UGGT1: variants seen among roughly 807,000 people sequenced by gnomAD.
UGGT1 encodes UDP-glucose:glycoprotein glucosyltransferase 1.
A neutral mutation model predicts 203.9 loss-of-function variants in UGGT1; 107 were observed. That is an observed-to-expected ratio of 0.52 (90% CI 0.45 to 0.62). UGGT1 has a LOEUF of 0.62. Among genes scored for constraint, UGGT1 ranks in the 20% least tolerant of loss-of-function variants. The pLI is 0.00. For synonymous variants in UGGT1, 628 were observed against 653.5 expected (o/e 0.96, Z 0.59); for missense variants, 1,673 against 1,867.2 (o/e 0.90, Z 1.92).
In UGGT1 at chr2:128,143,826, A is replaced by AT. The variant is rs202049261; in HGVS notation, c.1851+615dup. ...TCCTAACAATCTAATGACTAATGAG[A>AT]TTTTTTTTTTTTTTAACTACAGCAG... On this transcript the variant is annotated intron_variant, in intron 17 of 40. Transcript: ENST00000259253. Among the ~76,000 whole-genome samples the AT allele has an allele frequency of 4.1e-3, 599 of 146,110 alleles. 3 individuals are homozygous for AT. Among genetic ancestry groups the AT allele is most frequent in the Admixed American group, 9.1e-3 (132 of 14,560 alleles).
Position 128,091,421 on chromosome 2 carries a change from CA to C in UGGT1, c.58+7del. 11 of 1,580,060 alleles carry C rather than the reference CA, an allele frequency of 7.0e-6. No homozygotes were observed. The highest frequency in any genetic ancestry group is 8.6e-6 in the Non-Finnish European group (10 of 1,162,980). ...GGGTGCGCTGCCGGTGACAGGTACCCAGGGGTGGCGTGAGGAGGCCTCGTGG... is the reference window on the plus strand; with the variant it reads ...GGGTGCGCTGCCGGTGACAGGTACCCGGGGTGGCGTGAGGAGGCCTCGTGG... On this transcript the variant is annotated splice_region_variant and intron_variant, in intron 1 of 40. Transcript: ENST00000259253.
At chr2:128,178,129 C>T (rs1413757838) in intron 33 of UGGT1, among the ~76,000 whole-genome samples, 1 of 152,200 alleles carries the variant, frequency 6.6e-6, no homozygotes, top group East Asian at 1.9e-4. Context: ...GAAGTTACTT[C>T]TGCTCCATAC....
intron 5 of UGGT1, among the ~76,000 whole-genome samples, chr2:128,110,499 T>TC (rs1687797346): frequency 6.6e-6 from 1 of 152,238 alleles, no homozygotes; most frequent in East Asian, 1.9e-4. Context: ...CATCTCCGGG[T>TC]CAAGGCATGG....
At chr2:128,185,969 G>C (rs1179779570) in intron 38 of UGGT1, among the ~76,000 whole-genome samples, 1 of 152,088 alleles carries the variant, frequency 6.6e-6, no homozygotes, top group Non-Finnish European at 1.5e-5. Flanking sequence ...TCGTCTATTT[G>C]GGAGCAAGTC....
At chr2:128,138,909 A>G (rs1689275851) in intron 16 of UGGT1, 57 bp downstream of exon 16, 2 of 1,603,816 alleles carry the variant, frequency 1.2e-6, no homozygotes, top group East Asian at 2.2e-5. Flanking sequence ...ACTCTTAATA[A>G]CAATGTGTGG....
chr2:128,097,469 T>G lies in UGGT1; in HGVS notation c.99T>G (p.Val33=). The change falls in exon 2 of 41, where the codon GTT becomes GTG. Residue 33 remains valine, a synonymous_variant. Transcript: ENST00000259253. ...TGGGAGTTCTGGTTGTACTCACTGT[T>G]CTGTGGCTGTTCTCCTCAGTAAAGG... ...YKMGVLVVLT[V]LWLFSSVKAD... The G allele has an allele frequency of 6.2e-7, 1 of 1,614,212 alleles. No individual in the cohort carries two copies. The highest frequency in any genetic ancestry group is 1.1e-5 in the South Asian group (1 of 91,082).
At chr2:128,158,374 A>G (rs1356212626) in intron 22 of UGGT1, among the ~76,000 whole-genome samples, 1 of 152,120 alleles carries the variant, frequency 6.6e-6, no homozygotes, top group Non-Finnish European at 1.5e-5. Context: ...ACTTGTGCCC[A>G]CCCACACTTG....
intron 25 of UGGT1, among the ~76,000 whole-genome samples, chr2:128,163,315 A>G (rs1245511497): frequency 6.6e-6 from 1 of 151,560 alleles, no homozygotes; most frequent in African/African-American, 2.4e-5. Context: ...AAATACATTC[A>G]CAGTGCTCTT....
At chr2:128,183,121 G>A (rs911642491) in intron 37 of UGGT1, among the ~76,000 whole-genome samples, 18 of 152,092 alleles carry the variant, frequency 1.2e-4, no homozygotes, top group African/African-American at 3.6e-4. Flanking sequence ...GACCTTTTAG[G>A]TCGAACAGTG....
At chr2:128,179,550 G>A (rs1319135381) in intron 34 of UGGT1, among the ~76,000 whole-genome samples, 2 of 152,216 alleles carry the variant, frequency 1.3e-5, no homozygotes, top group Non-Finnish European at 2.9e-5. Flanking sequence ...ATTTGCCTCT[G>A]TCAGTTAAGT....
rs112061065 is a variant in UGGT1 at position 128,187,475 on chromosome 2, G to A, written c.4503G>A (p.Pro1501=). The change falls in exon 40 of 41, where the codon CCG becomes CCA. Residue 1501 remains proline (P), a synonymous_variant. Transcript: ENST00000259253. ...DLCNNPMTKE[P]KLEAAVRIVP... ...GTAATAATCCGATGACCAAAGAGCC[G>A]AAACTGGAAGCAGCTGTGCGGATTG... The A allele has an allele frequency of 1.1e-3, 1,801 of 1,613,890 alleles. 24 individuals are homozygous for A. In the African/African-American group the frequency reaches 0.017, roughly 15 times the overall value.
chr2:128,102,199 A>G (rs545904529), intron 2 of UGGT1, among the ~76,000 whole-genome samples: 119 of 151,904 alleles, frequency 7.8e-4, no homozygotes, highest in Non-Finnish European at 1.3e-3. Context: ...CTGGAGTGCA[A>G]TGGCACGATC....
At chr2:128,186,649 T>G in intron 38 of UGGT1, 34 bp from the exon 39 acceptor site, 7 of 1,488,720 alleles carry the variant, frequency 4.7e-6, no homozygotes, top group Non-Finnish European at 6.5e-6. Context: ...TTTAGATACA[T>G]GTATTTTATT....
Position 128,129,030 on chromosome 2 carries a change from C to T in UGGT1, c.1228C>T (p.Leu410=). ...ATCTCTTTTTGTTTTTCCCCCCAGT[C>T]TGTTTGATGTGTTGAGGAATGAAGC... ...MDLDTQDIFS[L]FDVLRNEARV... is the part of the protein sequence containing the mutation. The change falls in exon 13 of 41, where the codon CTG becomes TTG. Residue 410 remains leucine, a splice_region_variant and synonymous_variant. Coordinates refer to ENST00000259253, the MANE Select transcript of UGGT1 (RefSeq NM_020120.4). The T allele has an allele frequency of 6.4e-7, 1 of 1,569,546 alleles. No homozygotes were observed.
In UGGT1 at chr2:128,191,002, G is replaced by A. The variant is rs1002533357; in HGVS notation, c.*1260G>A. The stretch of plus-strand genomic sequence containing the variant: ...CTCAGGGCATACTTTGCTGGTGAAC[G>A]GGCTGTAGAGTCTTGAGTATGTTAT... On this transcript the variant is annotated 3_prime_UTR_variant, in exon 41 of 41. Transcript: ENST00000259253. 1 of 152,244 alleles carries A rather than the reference G, an allele frequency of 6.6e-6. No individual in the cohort carries two copies. Among genetic ancestry groups the A allele is most frequent in the African/African-American group, 2.4e-5 (1 of 41,450 alleles). 9.4% of individuals were successfully genotyped at this position (152,244 alleles called of 1,614,324 possible).
chr2:128,179,946 A>G, intron 35 of UGGT1, 76 bp downstream of exon 35: 1 of 1,404,484 alleles, frequency 7.1e-7, no homozygotes, highest in Non-Finnish European at 9.8e-7. Context: ...CTTTTGTTTT[A>G]TCTGTATACT....
Position 128,194,713 on chromosome 2 carries a change from TGAG to T in UGGT1, c.*4973_*4975del, listed in dbSNP as rs1362271252. 6.6e-6 allele frequency: 1 copy of T among 152,180 alleles called. No individual in the cohort carries two copies. Among genetic ancestry groups the T allele is most frequent in the East Asian group, 1.9e-4 (1 of 5,202 alleles). The allele number at this position is 152,180 out of a possible 1,614,324, so 9.4% of individuals were successfully genotyped here. A position where few individuals can be genotyped will look rare whatever the true frequency, so the allele number is the denominator to read the frequency against. ...CTTTAAATTCATGTTTTCTCTGCCT[TGAG>T]GTAGTGAGGGAAAGATCTTAATCAG... On this transcript the variant is annotated 3_prime_UTR_variant, in exon 41 of 41. Coordinates refer to ENST00000259253, the MANE Select transcript of UGGT1 (RefSeq NM_020120.4).
intron 1 of UGGT1, among the ~76,000 whole-genome samples, chr2:128,094,716 T>C (rs1573480626): frequency 6.8e-6 from 1 of 147,708 alleles, no homozygotes; most frequent in East Asian, 2.0e-4. Flanking sequence ...AGGGTGTCTA[T>C]GGTTAGTCCT....
At chr2:128,095,509 C>T (rs764376828) in intron 1 of UGGT1, among the ~76,000 whole-genome samples, 2 of 151,036 alleles carry the variant, frequency 1.3e-5, no homozygotes, top group African/African-American at 2.4e-5. Context: ...CCACTCTCCT[C>T]CTGTCCTGCT....
Sources: gnomAD v4.1 joint callset for allele counts (sites outside exome capture counted in the v4.1 genomes callset) on GRCh38, gnomAD v4.1.1 for gene constraint, MANE v1.5 for transcripts, NCBI Gene and HGNC (gene_info 2026-07-23, HGNC 2026-07-21) for gene names.